The following UPF1 variants were observed in gnomAD, a reference collection of about 807,000 sequenced individuals.
UPF1 encodes the protein regulator of nonsense transcripts 1.
A neutral mutation model predicts 129.2 loss-of-function variants in UPF1; 9 were observed. The observed-to-expected ratio is 0.07, with a 90% confidence interval of 0.04 to 0.12. The LOEUF (loss-of-function observed/expected upper bound fraction) is 0.12, where lower values mean the gene tolerates loss of function less well. Among genes scored for constraint, UPF1 ranks in the 10% least tolerant of loss-of-function variants. UPF1 has a pLI of 1.00. For missense variants in UPF1, 788 were observed against 1,525.3 expected, an observed-to-expected ratio of 0.52 and a Z score of 8.05; for synonymous variants, 649 against 644.9, an observed-to-expected ratio of 1.01 and a Z score of -0.10.
At chr19:18,834,373 CTT>C (rs1043846554) in intron 1 of UPF1, among the ~76,000 whole-genome samples, 13 of 152,156 alleles carry the variant, frequency 8.5e-5, no homozygotes, top group Admixed American at 4.6e-4. Context: ...CTGGGGCAGC[CTT>C]TAGTTCTGCT....
At chr19:18,833,967 T>A (rs2055456766) in intron 1 of UPF1, among the ~76,000 whole-genome samples, 1 of 152,178 alleles carries the variant, frequency 6.6e-6, no homozygotes, top group African/African-American at 2.4e-5. Flanking sequence ...AGAACAGGTG[T>A]GCACGTATGG....
chr19:18,842,856 G>A (rs961715704), intron 1 of UPF1, among the ~76,000 whole-genome samples: 2 of 151,900 alleles, frequency 1.3e-5, no homozygotes, highest in African/African-American at 2.4e-5. Flanking sequence ...GCGTGGTGGC[G>A]CATGCCTGTA....
Position 18,847,848 on chromosome 19 carries a change from C to T in UPF1, c.461+15C>T, listed in dbSNP as rs1323418420. ...ACTTCTGGCAGGTAGATAATCAGAC[C>T]ATGCATGTGTGTTTAATCAGTGCTG... is the stretch of plus-strand genomic sequence containing the variant. On this transcript the variant is annotated intron_variant, in intron 3 of 23. Transcript: ENST00000262803. 1.2e-6 allele frequency: 2 copies of T among 1,612,280 alleles called. No homozygotes were observed. Among genetic ancestry groups the T allele is most frequent in the Admixed American group, 1.7e-5 (1 of 60,006 alleles).
In UPF1 at chr19:18,850,416, G is replaced by T. The variant is rs550792622; in HGVS notation, c.629+174G>T. Among the ~76,000 whole-genome samples, 1 of 152,392 alleles carries T rather than the reference G, an allele frequency of 6.6e-6. No homozygotes were observed. Among genetic ancestry groups the T allele is most frequent in the East Asian group, 1.9e-4 (1 of 5,190 alleles). ...CGTTTAGGCGCTGAGGCTTGTTAAG[G>T]AGTCGGCAGTGCCGTGTAACTCTTT... On this transcript the variant is annotated intron_variant, in intron 4 of 23. Coordinates refer to ENST00000262803, the MANE Select transcript of UPF1 (RefSeq NM_002911.4). This position sits in a 1 kb window ranked among gnomAD's most constrained non-coding sequence, Gnocchi z 7.1.
intron 8 of UPF1, among the ~76,000 whole-genome samples, chr19:18,854,128 T>C (rs542506347): frequency 8.5e-5 from 13 of 152,174 alleles, no homozygotes; most frequent in Non-Finnish European, 1.5e-4. Flanking sequence ...AGCCTTTTGC[T>C]TGGCCGTACT....
In UPF1 at chr19:18,852,427, T is replaced by G. The variant is rs917805276; in HGVS notation, c.972+131T>G. On this transcript the variant is annotated intron_variant, in intron 6 of 23. Transcript: ENST00000262803. ...GGGCTGCAGCCGCGACACCTGAGAGTTGGAACTTGCGGATCCGGGCCTGGC... is the reference window on the plus strand; with the variant it reads ...GGGCTGCAGCCGCGACACCTGAGAGGTGGAACTTGCGGATCCGGGCCTGGC... The G allele has an allele frequency of 2.2e-6, 3 of 1,371,930 alleles. No individual in the cohort carries two copies. The African/African-American group carries it at 4.5e-5, about 21-fold the overall frequency. 85.0% of individuals were successfully genotyped at this position (1,371,930 alleles called of 1,614,324 possible).
chr19:18,861,910 C>T (rs1471869010), intron 17 of UPF1, 100 bp from the exon 18 acceptor site: 35 of 1,487,018 alleles, frequency 2.4e-5, no homozygotes, highest in Admixed American at 8.7e-5. Context: ...CCCAAGCTCC[C>T]GGGTGGGATT....
chr19:18,834,227 C>T (rs1475459921), intron 1 of UPF1, among the ~76,000 whole-genome samples: 1 of 152,066 alleles, frequency 6.6e-6, no homozygotes, highest in Non-Finnish European at 1.5e-5. Context: ...TCCAGCCTGT[C>T]GGGGAGACTC....
At chr19:18,836,834 A>G (rs1302690668) in intron 1 of UPF1, among the ~76,000 whole-genome samples, 2 of 149,866 alleles carry the variant, frequency 1.3e-5, no homozygotes, top group East Asian at 2.0e-4. Flanking sequence ...GCTCACTGCA[A>G]CCTCCACCTC....
chr19:18,866,217 A>T (rs1774235432), intron 23 of UPF1, 51 bp downstream of exon 23: 1 of 1,510,470 alleles, frequency 6.6e-7, no homozygotes, highest in Middle Eastern at 2.0e-4. Context: ...AAGGAGAAGG[A>T]TGGGAGGGGG....
chr19:18,837,758 A>G (rs1357099288), intron 1 of UPF1, among the ~76,000 whole-genome samples: 12 of 152,180 alleles, frequency 7.9e-5, no homozygotes, highest in Non-Finnish European at 1.5e-4. Context: ...TCAGGTCTGC[A>G]CTGCCTGTTC....
chr19:18,855,686 A>G (rs2055709422), intron 11 of UPF1: 2 of 584,842 alleles, frequency 3.4e-6, no homozygotes, highest in Admixed American at 3.4e-5. Context: ...TCTACAAAAA[A>G]AAAATTCAGA....
chr19:18,846,536 C>T (rs1388900447), intron 2 of UPF1, among the ~76,000 whole-genome samples: 1 of 152,052 alleles, frequency 6.6e-6, no homozygotes, highest in Non-Finnish European at 1.5e-5. Context: ...CCTCCCGCTG[C>T]CTTGGCCGTG....
In UPF1 at chr19:18,838,770, GTGTT is replaced by G. The variant is rs2055510006; in HGVS notation, c.231+6333_231+6336del. Among the ~76,000 whole-genome samples, 6 of 152,210 alleles carry G rather than the reference GTGTT, an allele frequency of 3.9e-5. No homozygotes were observed. The South Asian group carries it at 1.2e-3, about 32-fold the overall frequency. On this transcript the variant is annotated intron_variant, in intron 1 of 23. Coordinates refer to ENST00000262803, the MANE Select transcript of UPF1 (RefSeq NM_002911.4). Reference sequence around the variant, plus strand: ...CGTTTACCTGGAGGAGTGTTGGCAAGTGTTTGGTCAGCACTTACCCCTTAGTAGA... The same window carrying G: ...CGTTTACCTGGAGGAGTGTTGGCAAGTGGTCAGCACTTACCCCTTAGTAGA...
intron 15 of UPF1, among the ~76,000 whole-genome samples, chr19:18,857,781 CAT>C (rs1206800250): frequency 1.3e-5 from 2 of 152,218 alleles, no homozygotes; most frequent in Non-Finnish European, 2.9e-5. Context: ...ATCCAAGCCT[CAT>C]GTGGCAGCAT....
chr19:18,832,190 G>T lies in UPF1; in HGVS notation c.-20G>T, dbSNP rs775885239. 2 of 1,528,460 alleles carry T rather than the reference G, an allele frequency of 1.3e-6. No homozygotes were observed. The highest frequency in any genetic ancestry group is 8.8e-7 in the Non-Finnish European group (1 of 1,136,238). 94.7% of individuals were successfully genotyped at this position (1,528,460 alleles called of 1,614,324 possible). A position where few individuals can be genotyped will look rare whatever the true frequency, so the allele number is the denominator to read the frequency against. On this transcript the variant is annotated 5_prime_UTR_variant, in exon 1 of 24. In the 5' UTR this introduces an upstream ATG that the reference lacks. Coordinates refer to ENST00000262803, the MANE Select transcript of UPF1 (RefSeq NM_002911.4). The surrounding 1 kb of genome is among the most constrained non-coding windows in gnomAD (Gnocchi z 5.6). ...CGAGTGCAGCGCGGAACCGGCCCGA[G>T]GGCCCTACCCGGAGGCACCATGAGC...
At chr19:18,857,198 A>C in intron 14 of UPF1, 122 bp from the exon 15 acceptor site, 1 of 1,462,240 alleles carries the variant, frequency 6.8e-7, no homozygotes, top group South Asian at 1.3e-5. Flanking sequence ...GTGCGTGGTG[A>C]GCAATGCCCC....
chr19:18,860,092 G>T, intron 15 of UPF1: 1 of 558,782 alleles, frequency 1.8e-6, no homozygotes, highest in Non-Finnish European at 3.2e-6. Flanking sequence ...GGCTGAGCCA[G>T]CTCTGTGCTG....
At position 18,865,653 on chromosome 19, in the gene UPF1, A is replaced by G; in HGVS notation, c.3112A>G (p.Ser1038Gly). 6.2e-7 allele frequency: 1 copy of G among 1,613,798 alleles called. No homozygotes were observed. The highest frequency in any genetic ancestry group is 8.5e-7 in the Non-Finnish European group (1 of 1,180,020). Residue 1038 changes from serine to glycine, a missense_variant, in exon 22 of 24, where the codon AGC (serine) becomes GGC (glycine). Around this residue, in one of 6 missense-constraint regions of UPF1, gnomAD observed 218 missense variants for 318.1 expected, o/e 0.69. Transcript: ENST00000262803. This position sits in a 1 kb window ranked among gnomAD's most constrained non-coding sequence, Gnocchi z 6.1. ...PGPSQTNLPN[S>G]QASQDVASQP... ...ACCCAGCCAGACTAACCTCCCCAAC[A>G]GCCAAGCCAGCCAGGATGTGGCGTC...
Sources: gnomAD v4.1 joint callset for allele counts (sites outside exome capture counted in the v4.1 genomes callset) on GRCh38, gnomAD v4.1.1 for gene constraint, gnomAD v4.1.1 regional missense constraint, Gnocchi (gnomAD v3.1) non-coding constraint, MANE v1.5 for transcripts, NCBI Gene and HGNC (gene_info 2026-07-23, HGNC 2026-07-21) for gene names.